DLG2: variants seen among roughly 807,000 people sequenced by gnomAD.
The protein encoded by DLG2 is disks large homolog 2.
In DLG2, 45 loss-of-function variants were observed where a neutral mutation model predicts 132.5. The observed-to-expected ratio is 0.34, with a 90% CI of 0.27 to 0.44. The LOEUF is 0.44. DLG2 is among the 20% of genes least tolerant of loss of function. The pLI, the probability that DLG2 is intolerant of heterozygous loss-of-function variation, is 1.00. For synonymous variants in DLG2, 424 were observed against 419.6 expected (o/e 1.01, Z -0.13); for missense variants, 1,045 against 1,196.9 (o/e 0.87, Z 1.87).
At chr11:83,880,837 C>A (rs1235724162) in intron 15 of DLG2, among the ~76,000 whole-genome samples, 1 of 152,146 alleles carries the variant, frequency 6.6e-6, no homozygotes, top group Non-Finnish European at 1.5e-5. Context: ...CTTCTCTTGG[C>A]GTGATACCCA....
intron 6 of DLG2, among the ~76,000 whole-genome samples, chr11:84,554,035 A>C (rs1003088681): frequency 6.6e-6 from 1 of 152,206 alleles, no homozygotes; most frequent in African/African-American, 2.4e-5. Flanking sequence ...TTCATCACAG[A>C]AAGTCCAATT....
At chr11:84,932,369 T>C (rs961210977) in intron 6 of DLG2, among the ~76,000 whole-genome samples, 1 of 152,230 alleles carries the variant, frequency 6.6e-6, no homozygotes, top group Non-Finnish European at 1.5e-5. Flanking sequence ...ATTTACTGAA[T>C]AAGGAATCCT....
intron 4 of DLG2, among the ~76,000 whole-genome samples, chr11:85,275,765 A>C (rs1306599918): frequency 6.6e-6 from 1 of 152,224 alleles, no homozygotes; most frequent in Non-Finnish European, 1.5e-5. Context: ...TGGGAAGTTA[A>C]TATATGTAAG....
intron 6 of DLG2, among the ~76,000 whole-genome samples, chr11:84,563,123 T>A (rs1410738825): frequency 6.6e-6 from 1 of 152,232 alleles, no homozygotes; most frequent in East Asian, 1.9e-4. Context: ...GCATTCCTTG[T>A]GCCTAGCACT....
At chr11:84,734,357 C>T (rs2063548399) in intron 6 of DLG2, among the ~76,000 whole-genome samples, 1 of 152,054 alleles carries the variant, frequency 6.6e-6, no homozygotes, top group Admixed American at 6.5e-5. Context: ...CCTTCACATC[C>T]CTTGTAAGTT....
chr11:84,874,335 C>T (rs1464596302), intron 6 of DLG2, among the ~76,000 whole-genome samples: 1 of 151,932 alleles, frequency 6.6e-6, no homozygotes, highest in African/African-American at 2.4e-5. Context: ...CAGAATATTC[C>T]AAATAAGGCA....
At chr11:83,703,829 A>C (rs1246141900) in intron 18 of DLG2, among the ~76,000 whole-genome samples, 1 of 152,214 alleles carries the variant, frequency 6.6e-6, no homozygotes, top group African/African-American at 2.4e-5. Context: ...AATCAGAAAC[A>C]ACCTAAAAGT....
intron 6 of DLG2, among the ~76,000 whole-genome samples, chr11:84,574,100 G>A (rs1459257450): frequency 6.6e-6 from 1 of 152,092 alleles, no homozygotes; most frequent in Non-Finnish European, 1.5e-5. Flanking sequence ...TTTCCATTCA[G>A]CTTTCTTCCA....
chr11:84,413,624 T>A (rs951838744), intron 7 of DLG2, among the ~76,000 whole-genome samples: 8 of 152,236 alleles, frequency 5.3e-5, no homozygotes, highest in African/African-American at 1.9e-4. Context: ...GACTGCTTTT[T>A]GTTTTGAGGG....
chr11:85,591,019 A>C (rs575857898), intron 3 of DLG2, among the ~76,000 whole-genome samples: 3 of 152,284 alleles, frequency 2.0e-5, no homozygotes, highest in East Asian at 3.9e-4. Context: ...AAAGCACATA[A>C]ATTTAGTTAA....
At chr11:84,372,026 T>C (rs139535272) in intron 7 of DLG2, among the ~76,000 whole-genome samples, 28 of 152,210 alleles carry the variant, frequency 1.8e-4, no homozygotes, top group South Asian at 4.1e-4. Context: ...GCATTTACTT[T>C]CAAGGATTTT....
intron 6 of DLG2, among the ~76,000 whole-genome samples, chr11:84,751,133 A>G (rs937851505): frequency 8.5e-5 from 13 of 152,150 alleles, no homozygotes; most frequent in African/African-American, 2.4e-5. Flanking sequence ...TTCGACTCTT[A>G]TATCAAAATT....
intron 7 of DLG2, among the ~76,000 whole-genome samples, chr11:84,516,305 AT>A (rs1474495658): frequency 1.3e-5 from 2 of 151,446 alleles, no homozygotes; most frequent in East Asian, 1.9e-4. Flanking sequence ...TTTGAAAAAA[AT>A]ATATAAAATT....
intron 15 of DLG2, among the ~76,000 whole-genome samples, chr11:83,909,832 C>A (rs954417396): frequency 6.6e-6 from 1 of 152,074 alleles, no homozygotes; most frequent in South Asian, 2.1e-4. Flanking sequence ...TCTTCTGTTC[C>A]AATCTTCCTC....
intron 6 of DLG2, among the ~76,000 whole-genome samples, chr11:84,699,564 A>T (rs1014602855): frequency 6.6e-6 from 1 of 151,446 alleles, no homozygotes; most frequent in Non-Finnish European, 1.5e-5. Flanking sequence ...CCAACATTCT[A>T]AAAGAATTCT....
Position 83,472,711 on chromosome 11 carries a change from G to A in DLG2, c.2344+16C>T, listed in dbSNP as rs777399277. ...TGGCCCAGAAATTAGGAATGAAAGCGTGCTGGGAAACTTACTTTCCTGCCT... is the reference window on the plus strand; with the variant it reads ...TGGCCCAGAAATTAGGAATGAAAGCATGCTGGGAAACTTACTTTCCTGCCT... On this transcript the variant is annotated intron_variant, in intron 23 of 27. Coordinates refer to ENST00000376104, the MANE Select transcript of DLG2 (RefSeq NM_001142699.3). The A allele has an allele frequency of 9.7e-5, 156 of 1,609,324 alleles. No individual in the cohort carries two copies. Among genetic ancestry groups the A allele is most frequent in the South Asian group, 4.2e-4 (38 of 90,698 alleles).
chr11:84,794,326 G>A (rs2074262453), intron 6 of DLG2, among the ~76,000 whole-genome samples: 1 of 152,224 alleles, frequency 6.6e-6, no homozygotes, highest in Admixed American at 6.5e-5. Flanking sequence ...TGGCAGTGGT[G>A]GCCTGGCTGG....
At chr11:83,891,080 C>T (rs1004218697) in intron 15 of DLG2, among the ~76,000 whole-genome samples, 3 of 152,120 alleles carry the variant, frequency 2.0e-5, no homozygotes, top group Non-Finnish European at 2.9e-5. Context: ...ATAGATATTA[C>T]AGTTTAATCT....
At chr11:85,189,351 A>C (rs997459336) in intron 4 of DLG2, among the ~76,000 whole-genome samples, 3 of 152,226 alleles carry the variant, frequency 2.0e-5, no homozygotes, top group Admixed American at 6.5e-5. Flanking sequence ...ACATTTGTCC[A>C]TCAGTGGCCA....
Sources: allele counts gnomAD v4.1 joint callset (sites outside exome capture counted in the v4.1 genomes callset), GRCh38; gene constraint gnomAD v4.1.1; transcripts MANE v1.5; gene names NCBI Gene and HGNC (gene_info 2026-07-23, HGNC 2026-07-21).